Variants in COL25A1 observed in about 807,000 individuals in gnomAD.
The protein encoded by COL25A1 is collagen alpha-1(XXV) chain.
A neutral mutation model predicts 128.4 loss-of-function variants in COL25A1; 103 were observed. The observed-to-expected ratio is 0.80, with a 90% CI of 0.68 to 0.94. The LOEUF is 0.94. COL25A1 is among the 40% of genes least tolerant of loss of function. COL25A1 has a pLI of 0.00. For missense variants in COL25A1, 745 were observed against 840.0 expected, an observed-to-expected ratio of 0.89 and a Z score of 1.40; for synonymous variants, 279 against 277.2, an observed-to-expected ratio of 1.01 and a Z score of -0.06.
At chr4:109,134,071 C>T (rs1399419363) in intron 3 of COL25A1, among the ~76,000 whole-genome samples, 2 of 151,752 alleles carry the variant, frequency 1.3e-5, no homozygotes, top group Admixed American at 1.3e-4. Flanking sequence ...GAAAATACCT[C>T]AGACAGAGGG....
At chr4:109,250,371 C>CACACACACACACACACACACAT (rs1780567009) in intron 3 of COL25A1, among the ~76,000 whole-genome samples, 1 of 148,098 alleles carries the variant, frequency 6.8e-6, no homozygotes, top group Admixed American at 6.7e-5. Flanking sequence ...GTAGGAGATA[C>CACACACACACACACACACACAT]ACACACACAC....
At chr4:108,822,433 T>TA (rs1731890562) in intron 35 of COL25A1, among the ~76,000 whole-genome samples, 1 of 152,186 alleles carries the variant, frequency 6.6e-6, no homozygotes, top group Admixed American at 6.5e-5. Context: ...TGAGTTTTTT[T>TA]AGAGATAGAG....
intron 3 of COL25A1, among the ~76,000 whole-genome samples, chr4:109,250,302 G>A (rs773753874): frequency 3.0e-5 from 2 of 65,790 alleles, no homozygotes; most frequent in African/African-American, 2.1e-4. Flanking sequence ...ACAAATATCT[G>A]GGGGGGGAGG....
rs1005084903 is a variant in COL25A1 at position 108,810,876 on chromosome 4, C to A, written c.*3051G>T. On this transcript the variant is annotated 3_prime_UTR_variant, in exon 38 of 38. Coordinates refer to ENST00000399132, the MANE Select transcript of COL25A1 (RefSeq NM_198721.4). ...CTATTAAACAGGGAAATAAAATTAT[C>A]CATAGTAGTTGTATTGTCCATAGAG... is the stretch of plus-strand genomic sequence containing the variant. 1 of 151,874 alleles carries A rather than the reference C, an allele frequency of 6.6e-6. No individual in the cohort carries two copies. The highest frequency in any genetic ancestry group is 1.5e-5 in the Non-Finnish European group (1 of 67,860). The allele number at this position is 151,874 out of a possible 1,614,324, so 9.4% of individuals were successfully genotyped here. A position where few individuals can be genotyped will look rare whatever the true frequency, so the allele number is the denominator to read the frequency against.
chr4:109,042,569 A>T (rs1003587755), intron 5 of COL25A1, among the ~76,000 whole-genome samples: 1 of 152,084 alleles, frequency 6.6e-6, no homozygotes, highest in African/African-American at 2.4e-5. Flanking sequence ...GCCTCCTACA[A>T]GATAAATGGT....
At chr4:109,129,547 C>G (rs1768968394) in intron 3 of COL25A1, among the ~76,000 whole-genome samples, 2 of 152,074 alleles carry the variant, frequency 1.3e-5, no homozygotes, top group South Asian at 4.2e-4. Flanking sequence ...TAAAAATACT[C>G]GAAAGAGATA....
chr4:109,288,672 G>T (rs1724128656), intron 3 of COL25A1, among the ~76,000 whole-genome samples: 1 of 151,996 alleles, frequency 6.6e-6, no homozygotes, highest in African/African-American at 2.4e-5. Flanking sequence ...CCTAAATACA[G>T]GAAGCAGTGT....
At chr4:108,984,750 C>A (rs1369010278) in intron 6 of COL25A1, among the ~76,000 whole-genome samples, 1 of 152,232 alleles carries the variant, frequency 6.6e-6, no homozygotes, top group Non-Finnish European at 1.5e-5. Context: ...CACCTCCCCA[C>A]AAGCTGAGGG....
intron 3 of COL25A1, among the ~76,000 whole-genome samples, chr4:109,099,396 A>G (rs1579361221): frequency 6.6e-6 from 1 of 152,276 alleles, no homozygotes; most frequent in East Asian, 1.9e-4. Flanking sequence ...ATGATATATA[A>G]CTTTTCTGAT....
At chr4:108,855,892 T>C (rs1277376597) in intron 24 of COL25A1, among the ~76,000 whole-genome samples, 1 of 152,142 alleles carries the variant, frequency 6.6e-6, no homozygotes, top group Non-Finnish European at 1.5e-5. Flanking sequence ...GCATTTCTTA[T>C]ATGTGGCAAA....
chr4:108,898,380 G>A (rs1219444297), intron 15 of COL25A1, among the ~76,000 whole-genome samples: 1 of 152,124 alleles, frequency 6.6e-6, no homozygotes, highest in African/African-American at 2.4e-5. Context: ...TGATTTGTCA[G>A]AAAGACCATA....
intron 3 of COL25A1, among the ~76,000 whole-genome samples, chr4:109,165,192 G>A (rs1772956433): frequency 1.3e-5 from 2 of 152,092 alleles, no homozygotes; most frequent in Non-Finnish European, 2.9e-5. Flanking sequence ...AATCAGGAAA[G>A]GGCGATTTAA....
chr4:109,086,965 G>A (rs1764447626), intron 3 of COL25A1, among the ~76,000 whole-genome samples: 1 of 152,194 alleles, frequency 6.6e-6, no homozygotes, highest in Admixed American at 6.5e-5. Flanking sequence ...TGGAAGTTGA[G>A]GGAGACAAGA....
intron 8 of COL25A1, among the ~76,000 whole-genome samples, chr4:108,965,471 A>T (rs1407541915): frequency 6.6e-6 from 1 of 152,248 alleles, no homozygotes; most frequent in Non-Finnish European, 1.5e-5. Flanking sequence ...AGTTTGATTA[A>T]TAAATTTGCC....
At chr4:109,192,142 C>T (rs1229454415) in intron 3 of COL25A1, among the ~76,000 whole-genome samples, 3 of 152,122 alleles carry the variant, frequency 2.0e-5, no homozygotes, top group Non-Finnish European at 2.9e-5. Context: ...GGCTAGAATA[C>T]AGGGTATGTG....
intron 8 of COL25A1, among the ~76,000 whole-genome samples, chr4:108,956,933 T>C (rs1166735829): frequency 6.6e-6 from 1 of 152,172 alleles, no homozygotes; most frequent in East Asian, 1.9e-4. Flanking sequence ...AGTAACGGTG[T>C]GTGAATCCAA....
chr4:109,019,399 T>TATATATATATATATATATATAG (rs1359236905), intron 5 of COL25A1, among the ~76,000 whole-genome samples: 1 of 142,770 alleles, frequency 7.0e-6, no homozygotes, highest in Non-Finnish European at 1.6e-5. Context: ...TATATATATA[T>TATATATATATATATATATATAG]TTATATGTGT....
chr4:109,270,365 A>G (rs1325104650), intron 3 of COL25A1, among the ~76,000 whole-genome samples: 2 of 152,266 alleles, frequency 1.3e-5, no homozygotes, highest in African/African-American at 4.8e-5. Flanking sequence ...AAGCAACTTC[A>G]GCAAAATCTC....
chr4:108,843,594 T>C (rs1414325079), intron 30 of COL25A1, among the ~76,000 whole-genome samples: 1 of 152,198 alleles, frequency 6.6e-6, no homozygotes, highest in African/African-American at 2.4e-5. Flanking sequence ...ACTGTCACCA[T>C]TGGCCACTGC....
Sources: allele counts gnomAD v4.1 joint callset (sites outside exome capture counted in the v4.1 genomes callset), GRCh38; gene constraint gnomAD v4.1.1; transcripts MANE v1.5; gene names NCBI Gene and HGNC (gene_info 2026-07-23, HGNC 2026-07-21).